Variants in NEBL observed in about 807,000 individuals in gnomAD.
NEBL encodes LIM and SH3 protein 2.
A neutral mutation model predicts 140.2 loss-of-function variants in NEBL; 122 were observed. The ratio of observed to expected loss-of-function variants is 0.87; its 90% confidence interval spans 0.75 to 1.01. The LOEUF (loss-of-function observed/expected upper bound fraction) is 1.01. NEBL is among the 50% of genes least tolerant of loss of function. NEBL has a pLI of 0.00. For synonymous variants in NEBL, 436 were observed against 398.9 expected, an observed-to-expected ratio of 1.09 and a Z score of -1.11; for missense variants, 1,365 against 1,231.3, an observed-to-expected ratio of 1.11 and a Z score of -1.62.
intron 1 of NEBL, among the ~76,000 whole-genome samples, chr10:21,254,018 A>G (rs1309163614): frequency 3.3e-5 from 5 of 152,240 alleles, no homozygotes; most frequent in Admixed American, 3.3e-4. Flanking sequence ...TAGTTGAAAT[A>G]TTGAAAGACT....
intron 4 of NEBL, among the ~76,000 whole-genome samples, chr10:20,910,917 C>T (rs1231852021): frequency 6.6e-6 from 1 of 151,582 alleles, no homozygotes; most frequent in Non-Finnish European, 1.5e-5. Flanking sequence ...CCTGTAATCC[C>T]AGCACTTTGG....
chr10:21,153,053 C>T (rs1589290087), intron 2 of NEBL, among the ~76,000 whole-genome samples: 2 of 152,320 alleles, frequency 1.3e-5, no homozygotes, highest in African/African-American at 4.8e-5. Flanking sequence ...CACCCCACAT[C>T]ACGAGCCTTC....
chr10:20,783,130 T>C lies in NEBL; in HGVS notation c.*2617A>G, dbSNP rs954066418. The C allele has an allele frequency of 2.0e-5, 3 of 152,582 alleles. No homozygotes were observed. Among genetic ancestry groups the C allele is most frequent in the African/African-American group, 7.2e-5 (3 of 41,444 alleles). 9.5% of individuals were successfully genotyped at this position (152,582 alleles called of 1,614,324 possible). On this transcript the variant is annotated 3_prime_UTR_variant, in exon 28 of 28. Coordinates refer to ENST00000377122, the MANE Select transcript of NEBL (RefSeq NM_006393.3). Reference sequence around the variant, plus strand: ...GAGATACCTGTTGCCAAACCAAAGGTGGGAGGGAAGCACGTGGAAAGTGGA... The same window carrying C: ...GAGATACCTGTTGCCAAACCAAAGGCGGGAGGGAAGCACGTGGAAAGTGGA...
chr10:20,896,095 C>G (rs7922552), intron 2 of NEBL, among the ~76,000 whole-genome samples: 10,241 of 151,954 alleles, frequency 0.067, 1,087 homozygotes, highest in African/African-American at 0.23. Flanking sequence ...GATCATTTTG[C>G]TTATTATCAA....
At chr10:21,027,779 T>C (rs1307466269) in intron 2 of NEBL, among the ~76,000 whole-genome samples, 1 of 152,196 alleles carries the variant, frequency 6.6e-6, no homozygotes, top group Non-Finnish European at 1.5e-5. Flanking sequence ...GAAGTCATTT[T>C]ACCCAATGAC....
chr10:21,209,417 A>G (rs1841880515), intron 3 of NEBL, among the ~76,000 whole-genome samples: 1 of 152,140 alleles, frequency 6.6e-6, no homozygotes. Context: ...CTAAATCTGG[A>G]AAGTCTAGCC....
intron 3 of NEBL, among the ~76,000 whole-genome samples, chr10:21,239,286 C>A (rs956462557): frequency 9.2e-5 from 14 of 151,856 alleles, no homozygotes; most frequent in African/African-American, 3.1e-4. Flanking sequence ...TGAGCTTTGG[C>A]CTGATGTTCA....
intron 1 of NEBL, among the ~76,000 whole-genome samples, chr10:21,252,941 G>C (rs1165428876): frequency 6.6e-6 from 1 of 152,028 alleles, no homozygotes; most frequent in East Asian, 1.9e-4. Context: ...GGCAACAAGA[G>C]AGAAACTCCA....
intron 3 of NEBL, among the ~76,000 whole-genome samples, chr10:21,181,145 C>A (rs1376187237): frequency 2.0e-5 from 3 of 151,820 alleles, no homozygotes; most frequent in African/African-American, 7.3e-5. Context: ...CACCTGTAAT[C>A]TCAGCTACTC....
At position 20,850,403 on chromosome 10, in the gene NEBL, G is replaced by C; in HGVS notation, c.1108C>G (p.Gln370Glu). ...CAAACTAATTGACCTACTTCACTTT[G>C]CATCTTTTGAGCCTCCTTTGAAGCT... ...YQASKEAQKM[Q>E]SEKVYKEDFE... Residue 370 changes from glutamine to glutamate, a missense_variant, in exon 11 of 28, where the codon CAA (glutamine) becomes GAA (glutamate). Around this residue, in one of 2 missense-constraint regions of NEBL, gnomAD observed 1,323 missense variants for 1,154.8 expected, o/e 1.15. Coordinates refer to ENST00000377122, the MANE Select transcript of NEBL (RefSeq NM_006393.3). 12 of 1,596,694 alleles carry C rather than the reference G, an allele frequency of 7.5e-6. No homozygotes were observed. Among genetic ancestry groups the C allele is most frequent in the Non-Finnish European group, 1.0e-5 (12 of 1,164,224 alleles).
At chr10:21,096,076 A>G (rs1423481175) in intron 2 of NEBL, among the ~76,000 whole-genome samples, 2 of 152,226 alleles carry the variant, frequency 1.3e-5, no homozygotes, top group Non-Finnish European at 2.9e-5. Flanking sequence ...AATAGATCCC[A>G]TAAGCATGTC....
At chr10:21,111,814 G>A (rs1340596464) in intron 2 of NEBL, among the ~76,000 whole-genome samples, 1 of 151,516 alleles carries the variant, frequency 6.6e-6, no homozygotes, top group Non-Finnish European at 1.5e-5. Flanking sequence ...CCTACAGAAT[G>A]GGAGAAAATC....
intron 1 of NEBL, among the ~76,000 whole-genome samples, chr10:21,277,658 T>A (rs752612580): frequency 9.2e-5 from 14 of 152,256 alleles, no homozygotes; most frequent in Non-Finnish European, 1.6e-4. Flanking sequence ...CATTATCTTC[T>A]GTTACTGTGA....
chr10:21,160,895 A>G (rs2132153079), intron 2 of NEBL, among the ~76,000 whole-genome samples: 1 of 152,080 alleles, frequency 6.6e-6, no homozygotes, highest in Admixed American at 6.5e-5. Context: ...ATGCAAGTAA[A>G]TGTGTATATG....
chr10:20,848,469 T>C (rs1842165562), intron 11 of NEBL, among the ~76,000 whole-genome samples: 1 of 152,186 alleles, frequency 6.6e-6, no homozygotes, highest in Middle Eastern at 3.2e-3. Flanking sequence ...TCTCCAATCC[T>C]TAGACCATGG....
At chr10:21,195,380 C>A (rs1841632737) in intron 3 of NEBL, among the ~76,000 whole-genome samples, 1 of 152,176 alleles carries the variant, frequency 6.6e-6, no homozygotes, top group Admixed American at 6.5e-5. Context: ...AAACATAAAT[C>A]TTCAAGTTGT....
At chr10:20,974,969 C>A (rs1487241782) in intron 3 of NEBL, among the ~76,000 whole-genome samples, 1 of 152,134 alleles carries the variant, frequency 6.6e-6, no homozygotes, top group Non-Finnish European at 1.5e-5. Flanking sequence ...GATTGTATTT[C>A]TATGAAGTTT....
At chr10:21,277,914 G>C (rs1053220390) in intron 1 of NEBL, among the ~76,000 whole-genome samples, 1 of 152,148 alleles carries the variant, frequency 6.6e-6, no homozygotes, top group African/African-American at 2.4e-5. Flanking sequence ...ACCTCTTCTT[G>C]TTTGTAAACT....
chr10:21,168,511 G>A (rs1840893258), intron 2 of NEBL, among the ~76,000 whole-genome samples: 1 of 152,082 alleles, frequency 6.6e-6, no homozygotes, highest in Non-Finnish European at 1.5e-5. Flanking sequence ...TGTAAAGTAT[G>A]AGCGCTGATT....
Sources: allele counts gnomAD v4.1 joint callset (sites outside exome capture counted in the v4.1 genomes callset), GRCh38; gene constraint gnomAD v4.1.1; regional missense constraint gnomAD v4.1.1; transcripts MANE v1.5; gene names NCBI Gene and HGNC (gene_info 2026-07-23, HGNC 2026-07-21).